The following RSRC1 variants were observed in gnomAD, a reference collection of about 807,000 sequenced individuals.
RSRC1 encodes the protein serine/Arginine-related protein 53.
Under a neutral mutation model 49.1 loss-of-function variants are expected in RSRC1, and 39 were observed. The ratio of observed to expected loss-of-function variants is 0.79; its 90% confidence interval spans 0.61 to 1.04. The LOEUF is 1.04. Among genes scored for constraint, RSRC1 ranks in the 50% least tolerant of loss-of-function variants. The probability of loss-of-function intolerance (pLI) is 0.00; values close to 1 mark genes in which losing one functional copy is unlikely to be tolerated. For missense variants in RSRC1, 388 were observed against 402.4 expected, an observed-to-expected ratio of 0.96 and a Z score of 0.31; for synonymous variants, 143 against 130.8, an observed-to-expected ratio of 1.09 and a Z score of -0.63.
At chr3:158,120,853 T>A (rs1401195275) in intron 1 of RSRC1, among the ~76,000 whole-genome samples, 2 of 150,726 alleles carry the variant, frequency 1.3e-5, no homozygotes, top group East Asian at 3.9e-4. Context: ...GAATGGATCT[T>A]GTTTTTATAT....
chr3:158,468,632 T>A (rs1737993380), intron 7 of RSRC1, among the ~76,000 whole-genome samples: 1 of 152,190 alleles, frequency 6.6e-6, no homozygotes, highest in African/African-American at 2.4e-5. Context: ...CTGGAGTGAA[T>A]GTAAAGCACT....
chr3:158,543,291 T>TCAA, intron 8 of RSRC1, 44 bp from the exon 9 acceptor site: 1 of 1,419,960 alleles, frequency 7.0e-7, no homozygotes, highest in Non-Finnish European at 9.2e-7. Context: ...AGTAAAACTC[T>TCAA]AATTGTGTAT....
intron 4 of RSRC1, among the ~76,000 whole-genome samples, chr3:158,274,174 T>A (rs1423411125): frequency 1.3e-5 from 2 of 152,128 alleles, no homozygotes; most frequent in Admixed American, 1.3e-4. Flanking sequence ...GTTTTTAATG[T>A]TTAGAAATAT....
At chr3:158,291,305 A>G (rs1397795375) in intron 4 of RSRC1, among the ~76,000 whole-genome samples, 5 of 152,136 alleles carry the variant, frequency 3.3e-5, no homozygotes, top group Non-Finnish European at 5.9e-5. Flanking sequence ...TTTACCAAGG[A>G]CTTGTTCAGT....
chr3:158,153,199 A>C (rs1318529414), intron 3 of RSRC1, among the ~76,000 whole-genome samples: 1 of 152,184 alleles, frequency 6.6e-6, no homozygotes, highest in Non-Finnish European at 1.5e-5. Flanking sequence ...TGTAGCTTAA[A>C]TCTTGTGTCA....
chr3:158,263,318 A>G (rs1724998491), intron 4 of RSRC1, among the ~76,000 whole-genome samples: 1 of 152,090 alleles, frequency 6.6e-6, no homozygotes, highest in South Asian at 2.1e-4. Flanking sequence ...TAATATGGGG[A>G]ACTACATTGA....
At chr3:158,164,973 A>G (rs1387390302) in intron 3 of RSRC1, among the ~76,000 whole-genome samples, 2 of 152,172 alleles carry the variant, frequency 1.3e-5, no homozygotes, top group Non-Finnish European at 1.5e-5. Context: ...GTTTCTCCCT[A>G]TATAGCCTTC....
At chr3:158,505,419 A>G (rs988674318) in intron 7 of RSRC1, among the ~76,000 whole-genome samples, 1 of 152,136 alleles carries the variant, frequency 6.6e-6, no homozygotes, top group Non-Finnish European at 1.5e-5. Flanking sequence ...GAGCCAGTTT[A>G]TATTTACTGA....
At chr3:158,454,775 T>C (rs1737226693) in intron 6 of RSRC1, among the ~76,000 whole-genome samples, 1 of 152,158 alleles carries the variant, frequency 6.6e-6, no homozygotes, top group South Asian at 2.1e-4. Flanking sequence ...TCTAGGTTGG[T>C]TGTTCATCTT....
chr3:158,473,959 TAA>T (rs1263604513), intron 7 of RSRC1, among the ~76,000 whole-genome samples: 1 of 152,152 alleles, frequency 6.6e-6, no homozygotes, highest in Non-Finnish European at 1.5e-5. Context: ...TATTATCTAT[TAA>T]GTCTATAGTT....
At chr3:158,462,999 A>T (rs910080770) in intron 7 of RSRC1, among the ~76,000 whole-genome samples, 1 of 152,018 alleles carries the variant, frequency 6.6e-6, no homozygotes, top group Non-Finnish European at 1.5e-5. Context: ...CCTAACACAT[A>T]GTAGAAACTC....
chr3:158,200,097 G>A (rs1387314309), intron 3 of RSRC1, among the ~76,000 whole-genome samples: 1 of 152,156 alleles, frequency 6.6e-6, no homozygotes. Context: ...GAGTGCAGTG[G>A]CGCTATCTTG....
At chr3:158,305,174 C>A (rs1727769384) in intron 5 of RSRC1, among the ~76,000 whole-genome samples, 1 of 151,842 alleles carries the variant, frequency 6.6e-6, no homozygotes, top group Admixed American at 6.6e-5. Context: ...CTCCTTTCAC[C>A]CTCTAGAGAA....
At chr3:158,424,824 A>T (rs1735310170) in intron 6 of RSRC1, among the ~76,000 whole-genome samples, 1 of 152,154 alleles carries the variant, frequency 6.6e-6, no homozygotes, top group Non-Finnish European at 1.5e-5. Flanking sequence ...GTATGTGTCA[A>T]GGAATTTATC....
chr3:158,294,131 C>T (rs1484662734), intron 4 of RSRC1, among the ~76,000 whole-genome samples: 1 of 151,906 alleles, frequency 6.6e-6, no homozygotes, highest in African/African-American at 2.4e-5. Flanking sequence ...TTTTAACCCT[C>T]CTTCTAGGAT....
chr3:158,496,456 T>C (rs16829044), intron 7 of RSRC1: 12,695 of 152,470 alleles, frequency 0.083, 571 homozygotes, highest in East Asian at 0.12. Flanking sequence ...ACCACTGGAA[T>C]AGACCTTCAT....
At chr3:158,345,721 T>A (rs1300756941) in intron 5 of RSRC1, among the ~76,000 whole-genome samples, 1 of 151,410 alleles carries the variant, frequency 6.6e-6, no homozygotes, top group Non-Finnish European at 1.5e-5. Flanking sequence ...GACAAATAGA[T>A]CAATGGATCA....
intron 5 of RSRC1, among the ~76,000 whole-genome samples, chr3:158,344,871 T>A (rs1449523788): frequency 6.6e-6 from 1 of 152,120 alleles, no homozygotes; most frequent in East Asian, 1.9e-4. Context: ...AGAAATGGTA[T>A]AATGAAGAGT....
intron 7 of RSRC1, among the ~76,000 whole-genome samples, chr3:158,478,101 A>G (rs985795136): frequency 2.0e-5 from 3 of 151,688 alleles, no homozygotes; most frequent in Admixed American, 2.0e-4. Context: ...AAATATTATA[A>G]TATCTTGCAA....
Sources: allele counts gnomAD v4.1 joint callset (sites outside exome capture counted in the v4.1 genomes callset), GRCh38; gene constraint gnomAD v4.1.1; transcripts MANE v1.5; gene names NCBI Gene and HGNC (gene_info 2026-07-23, HGNC 2026-07-21).